The following DOCK3 variants were observed in gnomAD, a reference collection of about 807,000 sequenced individuals.
DOCK3 encodes dedicator of cytokinesis protein 3.
A neutral mutation model predicts 265.6 loss-of-function variants in DOCK3; 60 were observed. That is an observed-to-expected ratio of 0.23 (90% CI 0.18 to 0.28). DOCK3 has a LOEUF of 0.28. DOCK3 is among the 10% of genes least tolerant of loss of function. The probability of loss-of-function intolerance (pLI) is 1.00; values close to 1 mark genes in which losing one functional copy is unlikely to be tolerated. For synonymous variants in DOCK3, 881 were observed against 938.0 expected (o/e 0.94, Z 1.11); for missense variants, 1,981 against 2,594.3 (o/e 0.76, Z 5.14).
chr3:51,225,295 A>C (rs2090282549), intron 14 of DOCK3, among the ~76,000 whole-genome samples: 1 of 152,206 alleles, frequency 6.6e-6, no homozygotes, highest in South Asian at 2.1e-4. Flanking sequence ...AGGCATGTTA[A>C]AATGTTATTC....
intron 36 of DOCK3, 97 bp from the exon 37 acceptor site, chr3:51,338,838 C>A: frequency 9.7e-7 from 1 of 1,028,986 alleles, no homozygotes; most frequent in Non-Finnish European, 1.5e-6. Context: ...CTGCCCTCCC[C>A]CTCCTGCCCA....
At chr3:51,133,432 C>T (rs531498655) in intron 9 of DOCK3, among the ~76,000 whole-genome samples, 21 of 151,334 alleles carry the variant, frequency 1.4e-4, no homozygotes, top group South Asian at 6.3e-4. Context: ...TCTTTCCTTG[C>T]GATAGTTTGC....
At chr3:50,816,862 C>G (rs1389062881) in intron 2 of DOCK3, among the ~76,000 whole-genome samples, 1 of 151,832 alleles carries the variant, frequency 6.6e-6, no homozygotes, top group Non-Finnish European at 1.5e-5. Context: ...AGTGCAGTGG[C>G]GTGATCACAG....
chr3:50,862,981 G>T (rs2046983187), intron 3 of DOCK3, among the ~76,000 whole-genome samples: 1 of 152,216 alleles, frequency 6.6e-6, no homozygotes, highest in Non-Finnish European at 1.5e-5. Context: ...CAGTTAGGGT[G>T]GGAGAGGGCC....
chr3:51,038,766 G>A (rs1389844312), intron 5 of DOCK3, among the ~76,000 whole-genome samples: 1 of 151,888 alleles, frequency 6.6e-6, no homozygotes, highest in Non-Finnish European at 1.5e-5. Flanking sequence ...TCAATTTAAT[G>A]ATCCTCTCTA....
At chr3:51,105,211 G>T (rs9855438) in intron 9 of DOCK3, among the ~76,000 whole-genome samples, 151,583 of 152,248 alleles carry the variant, frequency 1, 75,462 homozygotes, top group Middle Eastern at 1. Flanking sequence ...TGGGCCTTAT[G>T]TATAAAGAAG....
chr3:50,727,270 T>C (rs2108077279), intron 1 of DOCK3, among the ~76,000 whole-genome samples: 1 of 152,314 alleles, frequency 6.6e-6, no homozygotes, highest in Middle Eastern at 3.4e-3. Context: ...ATAGAAAGGT[T>C]ATAACTAAAA....
intron 3 of DOCK3, among the ~76,000 whole-genome samples, chr3:50,856,115 CTT>C (rs2046585706): frequency 6.6e-6 from 1 of 152,036 alleles, no homozygotes; most frequent in Non-Finnish European, 1.5e-5. Flanking sequence ...GATTCCATGT[CTT>C]TGGTATTGTG....
At position 50,711,185 on chromosome 3, in the gene DOCK3, G is replaced by C; in HGVS notation, c.37+35885G>C. The stretch of plus-strand genomic sequence containing the variant: ...TTTTGTCCTTTATTAGTATTACATA[G>C]TACATTAATTGATTTTCATATGTTG... On this transcript the variant is annotated intron_variant, in intron 1 of 52. Coordinates refer to ENST00000266037, the MANE Select transcript of DOCK3 (RefSeq NM_004947.5). 1.3e-5 allele frequency among the ~76,000 whole-genome samples: 2 copies of C among 151,448 alleles called. 1 individual carries two copies. The highest frequency in any genetic ancestry group is 4.2e-4 in the South Asian group (2 of 4,778).
intron 2 of DOCK3, among the ~76,000 whole-genome samples, chr3:50,790,323 A>T (rs2042402284): frequency 6.6e-6 from 1 of 152,068 alleles, no homozygotes; most frequent in Non-Finnish European, 1.5e-5. Flanking sequence ...TTGAGACGTG[A>T]GGTACTATTC....
intron 12 of DOCK3, among the ~76,000 whole-genome samples, chr3:51,202,460 T>G (rs927602867): frequency 1.3e-5 from 2 of 151,856 alleles, no homozygotes; most frequent in Non-Finnish European, 2.9e-5. Flanking sequence ...CTCCCAAGAC[T>G]AAACCAGGAA....
At chr3:50,705,634 G>T (rs1343671672) in intron 1 of DOCK3, among the ~76,000 whole-genome samples, 2 of 152,002 alleles carry the variant, frequency 1.3e-5, no homozygotes, top group African/African-American at 4.8e-5. Flanking sequence ...CCAGGCTGGT[G>T]TTGATCTCCT....
intron 9 of DOCK3, among the ~76,000 whole-genome samples, chr3:51,122,902 G>A (rs566849975): frequency 2.6e-5 from 4 of 152,138 alleles, no homozygotes; most frequent in Non-Finnish European, 5.9e-5. Flanking sequence ...GATTGCATGC[G>A]CACACAGACA....
intron 37 of DOCK3, 34 bp downstream of exon 37, chr3:51,339,062 A>T (rs750370877): frequency 2.0e-6 from 3 of 1,510,238 alleles, no homozygotes; most frequent in Non-Finnish European, 2.7e-6. Flanking sequence ...ATGCCTGACC[A>T]TGAGGACAAA....
chr3:50,859,508 G>T (rs940278107), intron 3 of DOCK3, among the ~76,000 whole-genome samples: 2 of 151,944 alleles, frequency 1.3e-5, no homozygotes, highest in East Asian at 1.9e-4. Flanking sequence ...GAGCCACTGC[G>T]CCCGGCCCGG....
At chr3:50,941,191 C>A (rs1027260057) in intron 5 of DOCK3, among the ~76,000 whole-genome samples, 2 of 152,174 alleles carry the variant, frequency 1.3e-5, no homozygotes, top group South Asian at 4.2e-4. Context: ...AGATTTGTAT[C>A]TAGAATATTT....
At chr3:51,111,658 A>G (rs192682088) in intron 9 of DOCK3, among the ~76,000 whole-genome samples, 29 of 152,336 alleles carry the variant, frequency 1.9e-4, no homozygotes, top group East Asian at 9.6e-4. Flanking sequence ...GGGAACAGGC[A>G]AAGATTTCAT....
At chr3:51,125,184 C>T (rs1240281536) in intron 9 of DOCK3, among the ~76,000 whole-genome samples, 1 of 152,082 alleles carries the variant, frequency 6.6e-6, no homozygotes, top group African/African-American at 2.4e-5. Flanking sequence ...AGCAATTTAA[C>T]ATAGTTCAGT....
intron 12 of DOCK3, among the ~76,000 whole-genome samples, chr3:51,191,618 G>T (rs546820187): frequency 6.6e-6 from 1 of 152,224 alleles, no homozygotes; most frequent in Admixed American, 6.5e-5. Flanking sequence ...CCTGCCTCAT[G>T]ATATAATTTG....
Sources: gnomAD v4.1 joint callset for allele counts (sites outside exome capture counted in the v4.1 genomes callset) on GRCh38, gnomAD v4.1.1 for gene constraint, MANE v1.5 for transcripts, NCBI Gene and HGNC (gene_info 2026-07-23, HGNC 2026-07-21) for gene names.